The following PCDHGA7 variants were observed in gnomAD, a reference collection of about 807,000 sequenced individuals.
The protein encoded by PCDHGA7 is protocadherin gamma subfamily A, 7.
PCDHGA7 carries 44 observed loss-of-function variants against 58.3 expected under a neutral mutation model. That is an observed-to-expected ratio of 0.75 (90% CI 0.59 to 0.97). PCDHGA7 has a LOEUF of 0.97. Among genes scored for constraint, PCDHGA7 ranks in the 50% least tolerant of loss-of-function variants. The pLI is 0.00. For missense variants in PCDHGA7, 1,266 were observed against 1,188.7 expected (o/e 1.06, Z -0.96); for synonymous variants, 516 against 504.2 (o/e 1.02, Z -0.31).
chr5:141,495,300 C>T (rs1249195819), intron 2 of PCDHGA7, among the ~76,000 whole-genome samples: 1 of 152,204 alleles, frequency 6.6e-6, no homozygotes, highest in Non-Finnish European at 1.5e-5. Context: ...AGCGCCTCCT[C>T]CAGAGCCTCC....
At chr5:141,410,480 G>A in intron 1 of PCDHGA7, 1 of 1,613,966 alleles carries the variant, frequency 6.2e-7, no homozygotes, top group Non-Finnish European at 8.5e-7. Context: ...TGCACATACG[G>A]GTACAAAAGA....
chr5:141,428,324 T>C, intron 1 of PCDHGA7: 1 of 642,806 alleles, frequency 1.6e-6, no homozygotes, highest in Non-Finnish European at 2.8e-6. Flanking sequence ...TTGGCCTTGA[T>C]TTCTATGCTC....
intron 1 of PCDHGA7, among the ~76,000 whole-genome samples, chr5:141,450,899 A>G (rs1045595271): frequency 1.0e-4 from 15 of 149,514 alleles, no homozygotes; most frequent in African/African-American, 3.7e-4. Context: ...ATATCGGCTC[A>G]CTGCAACCGC....
At chr5:141,447,725 C>G (rs1009407606) in intron 1 of PCDHGA7, among the ~76,000 whole-genome samples, 4 of 152,174 alleles carry the variant, frequency 2.6e-5, no homozygotes, top group African/African-American at 9.7e-5. Context: ...TTTTCCAAAA[C>G]TCATTGAACT....
intron 1 of PCDHGA7, among the ~76,000 whole-genome samples, chr5:141,386,595 ATT>A (rs373179212): frequency 2.1e-5 from 3 of 146,060 alleles, no homozygotes; most frequent in African/African-American, 7.5e-5. Flanking sequence ...TGGGGGATAC[ATT>A]TTTTTTTTTT....
chr5:141,470,658 G>T lies in PCDHGA7; in HGVS notation c.2425-24149G>T, dbSNP rs527415532. Among the ~76,000 whole-genome samples the T allele has an allele frequency of 4.7e-3, 721 of 152,024 alleles. 9 individuals carry two copies. The highest frequency in any genetic ancestry group is 6.7e-3 in the Non-Finnish European group (452 of 67,944). On this transcript the variant is annotated intron_variant, in intron 1 of 3. Transcript: ENST00000518325. ...CTTGCTTTGAAGGCCCCTACCCTTT[G>T]GTTAGGGCTCTGCTGTTACCATCTT... is the stretch of plus-strand genomic sequence containing the variant.
intron 1 of PCDHGA7, among the ~76,000 whole-genome samples, chr5:141,481,194 T>C (rs74538051): frequency 0.017 from 2,576 of 152,298 alleles, 78 homozygotes; most frequent in African/African-American, 0.059. Context: ...CCAGGCCCAA[T>C]TTTTTTAAAA....
intron 1 of PCDHGA7, chr5:141,403,454 C>A: frequency 6.2e-7 from 1 of 1,614,054 alleles, no homozygotes; most frequent in Non-Finnish European, 8.5e-7. Flanking sequence ...GAACTCCCTC[C>A]AGAGCTACCA....
intron 1 of PCDHGA7, chr5:141,428,156 C>A: frequency 6.3e-7 from 1 of 1,579,884 alleles, no homozygotes; most frequent in Non-Finnish European, 8.6e-7. Context: ...CGGGAACCTG[C>A]TGGTTGCTGT....
At chr5:141,510,695 C>T (rs1023505006) in intron 3 of PCDHGA7, among the ~76,000 whole-genome samples, 1 of 152,166 alleles carries the variant, frequency 6.6e-6, no homozygotes, top group Non-Finnish European at 1.5e-5. Context: ...GTTAGGTAGA[C>T]TTGCCCAGGA....
chr5:141,409,177 T>A (rs1272833119), intron 1 of PCDHGA7: 1 of 1,613,944 alleles, frequency 6.2e-7, no homozygotes, highest in Non-Finnish European at 8.5e-7. Context: ...AGGACGGAGG[T>A]GGTCTCTCTA....
In PCDHGA7 at chr5:141,398,855, A is replaced by G. The variant is rs1376506270; in HGVS notation, c.2424+13532A>G. ...GCCAATGATAATCCCCCGGTATTCA[A>G]CCGAGACGTGTACAGAGTCAGCCTT... On this transcript the variant is annotated intron_variant, in intron 1 of 3. Coordinates refer to ENST00000518325, the MANE Select transcript of PCDHGA7 (RefSeq NM_018920.4). 2.5e-6 allele frequency: 4 copies of G among 1,613,852 alleles called. No individual in the cohort carries two copies. The African/African-American group carries it at 5.3e-5, about 22-fold the overall frequency.
intron 2 of PCDHGA7, among the ~76,000 whole-genome samples, chr5:141,500,020 T>A (rs905529317): frequency 6.6e-6 from 1 of 151,918 alleles, no homozygotes; most frequent in Non-Finnish European, 1.5e-5. Flanking sequence ...ACATTTTATA[T>A]TTGAGTGAGT....
At chr5:141,436,467 A>G (rs2097825090) in intron 1 of PCDHGA7, among the ~76,000 whole-genome samples, 1 of 152,216 alleles carries the variant, frequency 6.6e-6, no homozygotes, top group South Asian at 2.1e-4. Flanking sequence ...GAATTTTCAG[A>G]TGTATCATAG....
At chr5:141,404,169 C>G in intron 1 of PCDHGA7, 4 of 1,612,736 alleles carry the variant, frequency 2.5e-6, no homozygotes, top group Non-Finnish European at 3.4e-6. Flanking sequence ...AGATTGTTGA[C>G]GGCCCAAATT....
chr5:141,419,220 A>G (rs2096345873), intron 1 of PCDHGA7: 1 of 1,613,966 alleles, frequency 6.2e-7, no homozygotes, highest in Non-Finnish European at 8.5e-7. Context: ...GTTTTCGGAC[A>G]GTCAGCCTAC....
intron 1 of PCDHGA7, chr5:141,478,484 C>T (rs376021397): frequency 6.2e-7 from 1 of 1,613,458 alleles, no homozygotes; most frequent in South Asian, 1.1e-5. Flanking sequence ...GAACACGCTG[C>T]GGAGCTGTGA....
At chr5:141,389,969 C>CTTGA (rs746625491) in intron 1 of PCDHGA7, 8 of 1,613,924 alleles carry the variant, frequency 5.0e-6, no homozygotes, top group Non-Finnish European at 6.8e-6. Flanking sequence ...TGGCCTTGGC[C>CTTGA]TTGATCTCAG....
At position 141,486,272 on chromosome 5, in the gene PCDHGA7, A is replaced by C. The variant is rs2099627166; in HGVS notation, c.2425-8535A>C. On this transcript the variant is annotated intron_variant, in intron 1 of 3. Transcript: ENST00000518325. The surrounding 1 kb of genome is among the most constrained non-coding windows in gnomAD (Gnocchi z 5.0). ...CCTCCCCGAGAGTGCAGAACCTGGC[A>C]CTGTGGTGGCACTTATCAGTGTGCA... 1 of 1,613,886 alleles carries C rather than the reference A, an allele frequency of 6.2e-7. No individual in the cohort carries two copies. Among genetic ancestry groups the C allele is most frequent in the Non-Finnish European group, 8.5e-7 (1 of 1,179,986 alleles).
Sources: gnomAD v4.1 joint callset for allele counts (sites outside exome capture counted in the v4.1 genomes callset) on GRCh38, gnomAD v4.1.1 for gene constraint, Gnocchi (gnomAD v3.1) non-coding constraint, MANE v1.5 for transcripts, NCBI Gene and HGNC (gene_info 2026-07-23, HGNC 2026-07-21) for gene names.